ZP3: variants seen among roughly 807,000 people sequenced by gnomAD.
The protein encoded by ZP3 is zona pellucida sperm-binding protein 3.
A neutral mutation model predicts 35.6 loss-of-function variants in ZP3; 21 were observed. The ratio of observed to expected loss-of-function variants is 0.59; its 90% CI spans 0.42 to 0.85. The LOEUF (loss-of-function observed/expected upper bound fraction) is 0.85, where lower values mean the gene tolerates loss of function less well. Among genes scored for constraint, ZP3 ranks in the 40% least tolerant of loss-of-function variants. The pLI, the probability that ZP3 is intolerant of heterozygous loss-of-function variation, is 0.00. For missense variants in ZP3, 437 were observed against 536.5 expected, an observed-to-expected ratio of 0.81 and a Z score of 1.83; for synonymous variants, 207 against 214.5, an observed-to-expected ratio of 0.96 and a Z score of 0.31.
intron 1 of ZP3, among the ~76,000 whole-genome samples, chr7:76,405,291 A>G (rs1283262988): frequency 1.6e-3 from 64 of 40,852 alleles, no homozygotes; most frequent in African/African-American, 7.5e-3. Flanking sequence ...ATATATATAT[A>G]TATATATATA....
chr7:76,413,791 C>A (rs1805305384), intron 1 of ZP3, among the ~76,000 whole-genome samples: 1 of 151,466 alleles, frequency 6.6e-6, no homozygotes, highest in Admixed American at 6.6e-5. Context: ...CTCAGTTCCC[C>A]GAGTAGCTGG....
chr7:76,411,564 GT>G (rs998470205), intron 1 of ZP3, among the ~76,000 whole-genome samples: 1 of 151,702 alleles, frequency 6.6e-6, no homozygotes, highest in African/African-American at 2.4e-5. Flanking sequence ...GAGAGACCCT[GT>G]TTTAGGGGAA....
Position 76,425,166 on chromosome 7 carries a change from G to C in ZP3, c.202G>C (p.Ala68Pro). The C allele has an allele frequency of 6.2e-7, 1 of 1,614,014 alleles. No individual in the cohort carries two copies. The highest frequency in any genetic ancestry group is 1.3e-5 in the African/African-American group (1 of 75,058). ...TTTTGGCACCGGGAAGCTCATCAGG[G>C]CTGCTGACCTCACCTTGGGCCCAGA... ...DLFGTGKLIR[A>P]ADLTLGPEAC... Residue 68 changes from alanine (A) to proline (P), a missense_variant, in exon 1 of 8, where the codon GCT (alanine) becomes CCT (proline). By Grantham distance (27) the Ala-to-Pro change is conservative. Transcript: ENST00000394857.
At chr7:76,440,929 C>T (rs1186115375) in intron 7 of ZP3, among the ~76,000 whole-genome samples, 1,544 of 151,714 alleles carry the variant, frequency 0.01, 19 homozygotes, top group African/African-American at 0.034. Flanking sequence ...CCCAGCACTT[C>T]GGGAGGCCAA....
chr7:76,412,504 A>G (rs1300235233), intron 1 of ZP3, among the ~76,000 whole-genome samples: 1 of 152,214 alleles, frequency 6.6e-6, no homozygotes, highest in African/African-American at 2.4e-5. Context: ...AGAACTATAC[A>G]CACACCTTGT....
At chr7:76,432,303 C>T (rs562248260) in intron 2 of ZP3, among the ~76,000 whole-genome samples, 1 of 152,164 alleles carries the variant, frequency 6.6e-6, no homozygotes, top group South Asian at 2.1e-4. Context: ...ATTCTCCTGC[C>T]TCAGCCTCCC....
chr7:76,428,164 T>TAAAAAA (rs71521125), intron 1 of ZP3, among the ~76,000 whole-genome samples: 7 of 133,956 alleles, frequency 5.2e-5, no homozygotes, highest in East Asian at 2.2e-4. Context: ...TGTCTCTATT[T>TAAAAAA]AAAAAAAAAA....
chr7:76,412,321 G>A (rs1006078102), intron 1 of ZP3, among the ~76,000 whole-genome samples: 12 of 152,042 alleles, frequency 7.9e-5, no homozygotes, highest in African/African-American at 2.4e-4. Flanking sequence ...GTATGATTCC[G>A]TTTATAAAAC....
intron 1 of ZP3, among the ~76,000 whole-genome samples, chr7:76,428,164 T>TTA (rs1554625139): frequency 0.14 from 19,150 of 133,892 alleles, 1,658 homozygotes; most frequent in African/African-American, 0.26. Context: ...TGTCTCTATT[T>TTA]AAAAAAAAAA....
Position 76,411,009 on chromosome 7 carries a change from A to AG in ZP3, c.-67+13212_-67+13213insG, listed in dbSNP as rs1266085337. 7.0e-3 allele frequency among the ~76,000 whole-genome samples: 996 copies of AG among 142,508 alleles called. 22 individuals are homozygous for AG. Among genetic ancestry groups the AG allele is most frequent in the African/African-American group, 0.025 (940 of 38,126 alleles). 93.5% of individuals were successfully genotyped at this position (142,508 alleles called of 152,430 possible). ...GACTCCATCTCAAAAGAAAAAAAAA[A>AG]AAAAAAAAGAAAAGAAAATACTTGA... On this transcript the variant is annotated intron_variant, in intron 1 of 8. Coordinates refer to the ZP3 transcript ENST00000336517.
chr7:76,422,009 G>T (rs995229743), upstream of ZP3, among the ~76,000 whole-genome samples: 1 of 151,686 alleles, frequency 6.6e-6, no homozygotes, highest in Non-Finnish European at 1.5e-5. Flanking sequence ...CGATTCTCCC[G>T]CCTCAGCCTC....
intron 2 of ZP3, among the ~76,000 whole-genome samples, chr7:76,430,163 T>C (rs767806606): frequency 3.3e-5 from 5 of 151,946 alleles, no homozygotes; most frequent in African/African-American, 7.3e-5. Context: ...TGAGCCGAGA[T>C]TGCACTGCTG....
At chr7:76,431,879 A>G (rs1330131553) in intron 2 of ZP3, among the ~76,000 whole-genome samples, 1 of 129,200 alleles carries the variant, frequency 7.7e-6, no homozygotes, top group Non-Finnish European at 1.6e-5. Context: ...AGCCTGGGAG[A>G]CAAAGTGAGA....
intron 5 of ZP3, among the ~76,000 whole-genome samples, chr7:76,438,564 C>G (rs1638139): frequency 3.1e-4 from 41 of 131,098 alleles, no homozygotes; most frequent in African/African-American, 6.7e-4. Context: ...AAAAGGGTAG[C>G]GGGGCAGTGC....
chr7:76,412,187 C>CAA (rs200042424), intron 1 of ZP3, among the ~76,000 whole-genome samples: 4,377 of 79,474 alleles, frequency 0.055, 132 homozygotes, highest in East Asian at 0.18. Context: ...GACTCTGTCT[C>CAA]AAAAAAAAAA....
At chr7:76,397,962 G>T in intron 1 of ZP3, 2 of 957,916 alleles carry the variant, frequency 2.1e-6, no homozygotes, top group Non-Finnish European at 3.0e-6. Flanking sequence ...CCAGGGTACC[G>T]CCTCCTTGGT....
chr7:76,413,034 T>C (rs1420128199), intron 1 of ZP3, among the ~76,000 whole-genome samples: 2 of 146,176 alleles, frequency 1.4e-5, no homozygotes, highest in Admixed American at 1.4e-4. Context: ...GTGATCTCGG[T>C]TCACTGCAAC....
intron 5 of ZP3, among the ~76,000 whole-genome samples, chr7:76,438,538 G>GAAAAAAAAAAAAAAAAAAAAA (rs71085417): frequency 1.1e-5 from 1 of 88,560 alleles, no homozygotes; most frequent in African/African-American, 5.4e-5. Flanking sequence ...CTCCGTCTCA[G>GAAAAAAAAAAAAAAAAAAAAA]AAAAAAAAAA....
At chr7:76,397,535 G>A (rs1183103814) in exon 1 of ZP3, 16 of 1,574,130 alleles carry the variant, frequency 1.0e-5, no homozygotes, top group Non-Finnish European at 1.4e-5. Context: ...GAGCGCGCCC[G>A]CGTCCTCGTG....
Sources: allele counts gnomAD v4.1 joint callset (sites outside exome capture counted in the v4.1 genomes callset), GRCh38; gene constraint gnomAD v4.1.1; transcripts MANE v1.5; gene names NCBI Gene and HGNC (gene_info 2026-07-23, HGNC 2026-07-21).